ARHGAP22: variants seen among roughly 807,000 people sequenced by gnomAD.
ARHGAP22 encodes rho GTPase-activating protein 22.
ARHGAP22 carries 48 observed loss-of-function variants against 59.1 expected under a neutral mutation model. That is an observed-to-expected ratio of 0.81 (90% CI 0.64 to 1.03). The LOEUF is 1.03. Among genes scored for constraint, ARHGAP22 ranks in the 50% least tolerant of loss-of-function variants. The pLI, the probability that ARHGAP22 is intolerant of heterozygous loss-of-function variation, is 0.00. For synonymous variants in ARHGAP22, 445 were observed against 416.4 expected, an observed-to-expected ratio of 1.07 and a Z score of -0.84; for missense variants, 1,015 against 958.7, an observed-to-expected ratio of 1.06 and a Z score of -0.78.
At chr10:48,582,170 A>G (rs2059157239) in intron 2 of ARHGAP22, among the ~76,000 whole-genome samples, 1 of 152,148 alleles carries the variant, frequency 6.6e-6, no homozygotes, top group Non-Finnish European at 1.5e-5. Flanking sequence ...AGATTCCGTG[A>G]CCTGTGACAC....
chr10:48,553,966 T>C (rs2057108376), intron 3 of ARHGAP22, among the ~76,000 whole-genome samples: 1 of 152,220 alleles, frequency 6.6e-6, no homozygotes, highest in South Asian at 2.1e-4. Context: ...GGGCCCTGCC[T>C]ACGTCACTAC....
At chr10:48,538,674 C>T (rs889488842) in intron 3 of ARHGAP22, among the ~76,000 whole-genome samples, 4 of 152,186 alleles carry the variant, frequency 2.6e-5, no homozygotes, top group African/African-American at 9.7e-5. Flanking sequence ...TGGGAATGCA[C>T]TACAGTAGGC....
intron 4 of ARHGAP22, among the ~76,000 whole-genome samples, chr10:48,468,188 G>A (rs1171021772): frequency 6.6e-6 from 1 of 152,162 alleles, no homozygotes; most frequent in Non-Finnish European, 1.5e-5. Flanking sequence ...TATTTCACAT[G>A]TTTGCATTTG....
the ARHGAP22 span, chr10:48,439,260 A>G: frequency 6.7e-6 from 1 of 149,916 alleles, no homozygotes; most frequent in Admixed American, 6.7e-5. Context: ...TGCCCTAGTC[A>G]TTAAACATGC....
chr10:48,472,131 C>T (rs935299631), intron 4 of ARHGAP22, among the ~76,000 whole-genome samples: 17 of 148,018 alleles, frequency 1.1e-4, no homozygotes, highest in African/African-American at 2.0e-4. Flanking sequence ...CGCTTGAACC[C>T]GGGGGGGAAG....
At chr10:48,588,297 C>T (rs2059551386) in intron 1 of ARHGAP22, among the ~76,000 whole-genome samples, 1 of 152,194 alleles carries the variant, frequency 6.6e-6, no homozygotes, top group Non-Finnish European at 1.5e-5. Context: ...TGGCTCCAGT[C>T]CCTCTGACAA....
intron 4 of ARHGAP22, among the ~76,000 whole-genome samples, chr10:48,462,796 C>A (rs1234457584): frequency 6.6e-6 from 1 of 152,248 alleles, no homozygotes; most frequent in African/African-American, 2.4e-5. Context: ...GGTGATCCTG[C>A]TGCAAGCTTG....
intron 1 of ARHGAP22, among the ~76,000 whole-genome samples, chr10:48,625,475 C>G (rs1262720997): frequency 6.6e-6 from 1 of 151,982 alleles, no homozygotes; most frequent in African/African-American, 2.4e-5. Context: ...TAAGGCTGCC[C>G]CATTATGCTG....
intron 1 of ARHGAP22, among the ~76,000 whole-genome samples, chr10:48,633,157 G>T (rs1240859956): frequency 1.3e-5 from 2 of 152,232 alleles, no homozygotes; most frequent in Admixed American, 6.5e-5. Context: ...ACTCATGTTT[G>T]CTGGGTGACT....
intron 3 of ARHGAP22, among the ~76,000 whole-genome samples, chr10:48,484,386 T>C (rs1244699779): frequency 6.6e-6 from 1 of 152,244 alleles, no homozygotes; most frequent in Non-Finnish European, 1.5e-5. Context: ...TATATTGTTG[T>C]TTTGATTTGC....
At chr10:48,636,218 A>G (rs1288771237) in intron 1 of ARHGAP22, among the ~76,000 whole-genome samples, 1 of 152,082 alleles carries the variant, frequency 6.6e-6, no homozygotes, top group Admixed American at 6.5e-5. Context: ...CAGCTTCAGC[A>G]TTTCTCTGGT....
intron 1 of ARHGAP22, among the ~76,000 whole-genome samples, chr10:48,612,749 G>A (rs141281474): frequency 1.0e-3 from 156 of 152,252 alleles, no homozygotes; most frequent in African/African-American, 3.4e-3. Flanking sequence ...AATTCTAACT[G>A]ATGCCCACAT....
At chr10:48,589,763 C>T (rs1474119249) in intron 1 of ARHGAP22, among the ~76,000 whole-genome samples, 1 of 152,210 alleles carries the variant, frequency 6.6e-6, no homozygotes, top group East Asian at 1.9e-4. Context: ...TACTTCCTGA[C>T]TCTTAGCTCC....
chr10:48,462,485 A>T (rs1179841427), intron 4 of ARHGAP22, among the ~76,000 whole-genome samples: 2 of 152,136 alleles, frequency 1.3e-5, no homozygotes, highest in Non-Finnish European at 2.9e-5. Context: ...GCCCAAGTTC[A>T]CTCAGCATGC....
chr10:48,552,487 C>G (rs556567565), intron 3 of ARHGAP22, among the ~76,000 whole-genome samples: 4 of 152,268 alleles, frequency 2.6e-5, no homozygotes, highest in Non-Finnish European at 5.9e-5. Flanking sequence ...ACCCACCCAG[C>G]CTGGATTTCC....
chr10:48,647,508 A>G (rs2062357593), intron 1 of ARHGAP22, among the ~76,000 whole-genome samples: 1 of 152,160 alleles, frequency 6.6e-6, no homozygotes, highest in Non-Finnish European at 1.5e-5. Context: ...ATAAAATACC[A>G]CTTTACACCC....
At chr10:48,608,730 G>A (rs143262508), upstream of ARHGAP22, among the ~76,000 whole-genome samples, 135 of 152,280 alleles carry the variant, frequency 8.9e-4, no homozygotes, top group African/African-American at 2.9e-3. Context: ...GTAGTGGGCC[G>A]GACCAGCTGG....
At chr10:48,473,900 G>A (rs926355930) in intron 4 of ARHGAP22, among the ~76,000 whole-genome samples, 5 of 152,152 alleles carry the variant, frequency 3.3e-5, no homozygotes, top group Non-Finnish European at 7.4e-5. Flanking sequence ...ACCAGATGCC[G>A]AGGCAGCCCT....
chr10:48,471,764 C>T (rs529861605), intron 4 of ARHGAP22, among the ~76,000 whole-genome samples: 2 of 152,198 alleles, frequency 1.3e-5, no homozygotes, highest in East Asian at 1.9e-4. Flanking sequence ...AGGGAGAGCA[C>T]CCCCTTCTCT....
Sources: allele counts gnomAD v4.1 joint callset (sites outside exome capture counted in the v4.1 genomes callset), GRCh38; gene constraint gnomAD v4.1.1; transcripts MANE v1.5; gene names NCBI Gene and HGNC (gene_info 2026-07-23, HGNC 2026-07-21).